ITPR3: variants seen among roughly 807,000 people sequenced by gnomAD.
ITPR3 encodes the protein inositol 1,4,5-trisphosphate-gated calcium channel ITPR3.
In ITPR3, 173 loss-of-function variants were observed where a neutral mutation model predicts 293.2. The ratio of observed to expected loss-of-function variants is 0.59; its 90% CI spans 0.52 to 0.67. The LOEUF (loss-of-function observed/expected upper bound fraction) is 0.67, where lower values mean the gene tolerates loss of function less well. ITPR3 is among the 30% of genes least tolerant of loss of function. ITPR3 has a pLI of 0.00. For synonymous variants in ITPR3, 1,295 were observed against 1,444.4 expected, an observed-to-expected ratio of 0.90 and a Z score of 2.35; for missense variants, 2,796 against 3,592.1, an observed-to-expected ratio of 0.78 and a Z score of 5.66.
At position 33,682,482 on chromosome 6, in the gene ITPR3, G is replaced by T. The variant is rs1211063921; in HGVS notation, c.4477-42G>T. On this transcript the variant is annotated intron_variant, in intron 33 of 57. Transcript: ENST00000605930. This position sits in a 1 kb window ranked among gnomAD's most constrained non-coding sequence, Gnocchi z 5.4. ...TCCTGGACCTGGGGTTGCCCAGGGT[G>T]GGGGCCTGGGCTGCAGCAGCGGGCT... 3.4e-6 allele frequency: 5 copies of T among 1,479,322 alleles called. No individual in the cohort carries two copies. In the African/African-American group the frequency reaches 7.3e-5, roughly 22 times the overall value. 91.6% of individuals were successfully genotyped at this position (1,479,322 alleles called of 1,614,324 possible).
At position 33,683,226 on chromosome 6, in the gene ITPR3, G is replaced by C; in HGVS notation, c.4617G>C (p.Leu1539Phe). The C allele has an allele frequency of 6.5e-7, 1 of 1,538,832 alleles. No individual in the cohort carries two copies. The highest frequency in any genetic ancestry group is 8.8e-7 in the Non-Finnish European group (1 of 1,135,602). Residue 1539 changes from leucine to phenylalanine, a missense_variant, in exon 35 of 58, where the codon TTG becomes TTC. Physicochemically the swap from Leu to Phe is conservative, Grantham distance 22. Transcript: ENST00000605930. This position sits in a 1 kb window ranked among gnomAD's most constrained non-coding sequence, Gnocchi z 4.5. ...LAMVAKGRAI[L>F]LPMDLDAHIS... ...ACCCAGCCAAGGGCCGGGCCATCTT[G>C]CTGCCCATGGACCTGGATGCCCACA...
intron 1 of ITPR3, among the ~76,000 whole-genome samples, chr6:33,636,641 T>C (rs527387347): frequency 2.5e-4 from 38 of 151,958 alleles, no homozygotes; most frequent in Admixed American, 8.5e-4. Context: ...TGGAGGAGCA[T>C]GTTCCGGTGG....
In ITPR3 at chr6:33,675,953, A is replaced by G. The variant is rs1384008706; in HGVS notation, c.3282+97A>G. On this transcript the variant is annotated intron_variant, in intron 25 of 57. Coordinates refer to ENST00000605930, the MANE Select transcript of ITPR3 (RefSeq NM_002224.4). The surrounding 1 kb of genome is among the most constrained non-coding windows in gnomAD (Gnocchi z 5.0). ...TTGAGGAGCTCACAGCTCAAGGGGTAACTTGGGATGCCCATTTGGGGTTTT... is the reference window on the plus strand; with the variant it reads ...TTGAGGAGCTCACAGCTCAAGGGGTGACTTGGGATGCCCATTTGGGGTTTT... The G allele has an allele frequency of 2.2e-6, 3 of 1,366,804 alleles. No homozygotes were observed. Among genetic ancestry groups the G allele is most frequent in the Non-Finnish European group, 2.9e-6 (3 of 1,030,168 alleles). The allele number at this position is 1,366,804 out of a possible 1,614,324, so 84.7% of individuals were successfully genotyped here.
At chr6:33,673,497 T>G in intron 22 of ITPR3, 94 bp from the exon 23 acceptor site, 1 of 1,514,562 alleles carries the variant, frequency 6.6e-7, no homozygotes, top group Non-Finnish European at 9.0e-7. Context: ...ATTTGGGGGC[T>G]CCCTGCCCCC....
chr6:33,636,309 T>A (rs12662106), intron 1 of ITPR3, among the ~76,000 whole-genome samples: 1 of 150,814 alleles, frequency 6.6e-6, no homozygotes, highest in African/African-American at 2.4e-5. Context: ...CTCAAAAAAA[T>A]AAAAAATTAA....
At chr6:33,668,684 CA>C in intron 17 of ITPR3, 50 bp downstream of exon 17, 1 of 1,612,342 alleles carries the variant, frequency 6.2e-7, no homozygotes, top group Non-Finnish European at 8.5e-7. Flanking sequence ...TGCTGACCCC[CA>C]GCTGTCTTAG....
rs372144035 is a variant in ITPR3, at chr6:33,678,492, C to T, written c.3720C>T (p.Pro1240=). The T allele has an allele frequency of 4.3e-5, 69 of 1,613,308 alleles. No individual in the cohort carries two copies. Among genetic ancestry groups the T allele is most frequent in the African/African-American group, 2.3e-4 (17 of 74,974 alleles). The change falls in exon 29 of 58, where the codon CCC becomes CCT. Residue 1240 remains proline, a synonymous_variant. Coordinates refer to ENST00000605930, the MANE Select transcript of ITPR3 (RefSeq NM_002224.4). Reference sequence around the variant, plus strand: ...TGCAGAAGTTCTGTGCAGGGAACCCCGGCAACCAGGCCCTGCTGCACAAAC... The same window carrying T: ...TGCAGAAGTTCTGTGCAGGGAACCCTGGCAACCAGGCCCTGCTGCACAAAC... ...QFLQKFCAGN[P]GNQALLHKHL...
At chr6:33,651,622 A>G (rs554563396) in intron 2 of ITPR3, among the ~76,000 whole-genome samples, 1 of 152,340 alleles carries the variant, frequency 6.6e-6, no homozygotes, top group Admixed American at 6.5e-5. Flanking sequence ...GCTTCCGGGA[A>G]TCAGGAAGTC....
In ITPR3 at chr6:33,691,478, T is replaced by G. The variant is rs778276143; in HGVS notation, c.7226-137T>G. 1 of 723,286 alleles carries G rather than the reference T, an allele frequency of 1.4e-6. No individual in the cohort carries two copies. The highest frequency in any genetic ancestry group is 2.3e-6 in the Non-Finnish European group (1 of 427,232). 44.8% of individuals were successfully genotyped at this position (723,286 alleles called of 1,614,324 possible). ...GTCGGGGGCAGAAGCGTGATGACCC[T>G]TCACTGTGGCTGGACAGTGGAGGGC... is the stretch of plus-strand genomic sequence containing the variant. On this transcript the variant is annotated intron_variant, in intron 52 of 57. Coordinates refer to ENST00000605930, the MANE Select transcript of ITPR3 (RefSeq NM_002224.4). This position sits in a 1 kb window ranked among gnomAD's most constrained non-coding sequence, Gnocchi z 4.9.
rs1486944336 is a variant in ITPR3 at position 33,695,196 on chromosome 6, G to A, written c.7947+111G>A. ...CTTCCCCACTGGCCTCTGGCCCTGG[G>A]CCTGGATGAGAAGGCAGGTGCCAAA... On this transcript the variant is annotated intron_variant, in intron 57 of 57. Coordinates refer to ENST00000605930, the MANE Select transcript of ITPR3 (RefSeq NM_002224.4). 3 of 1,240,864 alleles carry A rather than the reference G, an allele frequency of 2.4e-6. No individual in the cohort carries two copies. The Admixed American group carries it at 7.5e-5, about 31-fold the overall frequency. 76.9% of individuals were successfully genotyped at this position (1,240,864 alleles called of 1,614,324 possible). A position where few individuals can be genotyped will look rare whatever the true frequency, so the allele number is the denominator to read the frequency against.
chr6:33,624,283 A>G lies in ITPR3; in HGVS notation c.89+2592A>G, dbSNP rs1469630370. On this transcript the variant is annotated intron_variant, in intron 1 of 57. Transcript: ENST00000605930. The surrounding 1 kb of genome is among the most constrained non-coding windows in gnomAD (Gnocchi z 4.7). ...TTGCCAGGATTAACACCATTCATAT[A>G]TTTAGCAGGTCTACAGGCACTGTAC... Among the ~76,000 whole-genome samples, 2 of 152,180 alleles carry G rather than the reference A, an allele frequency of 1.3e-5. No individual in the cohort carries two copies. The highest frequency in any genetic ancestry group is 4.8e-5 in the African/African-American group (2 of 41,432).
intron 21 of ITPR3, 44 bp downstream of exon 21, chr6:33,671,350 C>T (rs1308640345): frequency 6.9e-6 from 10 of 1,440,718 alleles, no homozygotes; most frequent in African/African-American, 2.8e-5. Flanking sequence ...GGTCCTCAGC[C>T]TCCTCCTAGC....
intron 39 of ITPR3, 106 bp from the exon 40 acceptor site, chr6:33,685,252 GC>G: frequency 8.8e-7 from 1 of 1,137,892 alleles, no homozygotes; most frequent in Non-Finnish European, 1.3e-6. Flanking sequence ...CTGCAGCCAG[GC>G]CCCTGCAGCC....
In ITPR3 at chr6:33,684,041, G is replaced by T; in HGVS notation, c.4810G>T (p.Glu1604Ter). ...CCAGGACATCATCACAGCCCTGGAGGAGCGGCTGAAGCCCCTGGTACAGGC... is the reference window on the plus strand; with the variant it reads ...CCAGGACATCATCACAGCCCTGGAGTAGCGGCTGAAGCCCCTGGTACAGGC... ...KLQDIITALEERLKPLVQAEL... is the reference protein window; with the variant it reads ...KLQDIITALE The change falls in exon 36 of 58, where the codon GAG becomes TAG. Residue 1604 changes from glutamate to a stop codon, truncating the protein, a stop_gained. Coordinates refer to ENST00000605930, the MANE Select transcript of ITPR3 (RefSeq NM_002224.4). LOFTEE classifies it high-confidence loss of function. The surrounding 1 kb of genome is among the most constrained non-coding windows in gnomAD (Gnocchi z 4.2). 1 of 1,610,490 alleles carries T rather than the reference G, an allele frequency of 6.2e-7. No homozygotes were observed.
At chr6:33,641,310 G>A (rs73408212) in intron 2 of ITPR3, among the ~76,000 whole-genome samples, 3 of 152,140 alleles carry the variant, frequency 2.0e-5, no homozygotes, top group Non-Finnish European at 2.9e-5. Context: ...GGCAGGGTGG[G>A]AGCAGGCAGC....
intron 13 of ITPR3, 78 bp from the exon 14 acceptor site, chr6:33,665,757 G>T: frequency 6.5e-7 from 1 of 1,532,094 alleles, no homozygotes. Context: ...GCCATGTTTT[G>T]GGAGGGACTG....
chr6:33,689,442 C>T, intron 50 of ITPR3, 32 bp downstream of exon 50: 1 of 1,600,760 alleles, frequency 6.2e-7, no homozygotes, highest in Non-Finnish European at 8.5e-7. Context: ...CATTCCCAAA[C>T]AAGCTCATGC....
In ITPR3 at chr6:33,682,703, GAC is replaced by G; in HGVS notation, c.4597+60_4597+61del. 6.5e-7 allele frequency: 1 copy of G among 1,546,490 alleles called. No homozygotes were observed. The highest frequency in any genetic ancestry group is 8.7e-7 in the Non-Finnish European group (1 of 1,154,680). Reference sequence around the variant, plus strand: ...CACTCCTCCTGCCGCTCACAGTGGGGACGCCTGCCCTCCTAATAAACACTTTA... The same window carrying G: ...CACTCCTCCTGCCGCTCACAGTGGGGGCCTGCCCTCCTAATAAACACTTTA... On this transcript the variant is annotated intron_variant, in intron 34 of 57. Transcript: ENST00000605930. The surrounding 1 kb of genome is among the most constrained non-coding windows in gnomAD (Gnocchi z 5.4).
At chr6:33,674,186 C>T in intron 23 of ITPR3, 22 bp from the exon 24 acceptor site, 1 of 1,613,868 alleles carries the variant, frequency 6.2e-7, no homozygotes, top group Non-Finnish European at 8.5e-7. Flanking sequence ...CAATCTGCTT[C>T]CATCTGCCCC....
Sources: gnomAD v4.1 joint callset for allele counts (sites outside exome capture counted in the v4.1 genomes callset) on GRCh38, gnomAD v4.1.1 for gene constraint, Gnocchi (gnomAD v3.1) non-coding constraint, MANE v1.5 for transcripts, NCBI Gene and HGNC (gene_info 2026-07-23, HGNC 2026-07-21) for gene names.